The following SUPT5H variants were observed in gnomAD, a reference collection of about 807,000 sequenced individuals.
The protein encoded by SUPT5H is transcription elongation factor SPT5.
SUPT5H carries 24 observed loss-of-function variants against 142.5 expected under a neutral mutation model. The observed-to-expected ratio is 0.17, with a 90% CI of 0.12 to 0.24. SUPT5H has a LOEUF of 0.24. Ranked by LOEUF, SUPT5H falls within the 10% of genes least tolerant of loss-of-function variation. SUPT5H has a pLI of 1.00. For synonymous variants in SUPT5H, 546 were observed against 553.0 expected (o/e 0.99, Z 0.18); for missense variants, 893 against 1,471.8 (o/e 0.61, Z 6.43).
At chr19:39,456,819 A>G (rs930600570) in intron 3 of SUPT5H, among the ~76,000 whole-genome samples, 2 of 152,158 alleles carry the variant, frequency 1.3e-5, no homozygotes, top group Admixed American at 6.6e-5. Flanking sequence ...TCGGCCTCCC[A>G]AAGTGTTGAG....
chr19:39,459,876 G>T lies in SUPT5H; in HGVS notation c.556-16G>T. 6.2e-7 allele frequency: 1 copy of T among 1,613,706 alleles called. No individual in the cohort carries two copies. On this transcript the variant is annotated splice_polypyrimidine_tract_variant and intron_variant, in intron 9 of 29. Coordinates refer to ENST00000432763, the MANE Select transcript of SUPT5H (RefSeq NM_001111020.3). ...CCATCCTGTCATCTCTCTCAAATCTGCCTCTCATCTTCCAGATTGGGGAGG... is the reference window on the plus strand; with the variant it reads ...CCATCCTGTCATCTCTCTCAAATCTTCCTCTCATCTTCCAGATTGGGGAGG...
At chr19:39,446,056 C>A in intron 2 of SUPT5H, 91 bp downstream of exon 2, 1 of 1,346,554 alleles carries the variant, frequency 7.4e-7, no homozygotes, top group Non-Finnish European at 1.0e-6. Context: ...GGGTTCACAG[C>A]GGGCTCTGGC....
Position 39,474,339 on chromosome 19 carries a change from A to C in SUPT5H, c.2757A>C (p.Ala919=), listed in dbSNP as rs1400420317. 1 of 1,614,050 alleles carries C rather than the reference A, an allele frequency of 6.2e-7. No homozygotes were observed. The highest frequency in any genetic ancestry group is 8.5e-7 in the Non-Finnish European group (1 of 1,179,998). ...ACCACCAGGTGGCGCCAAGCCCAGC[A>C]GGCTACCAGAATACCCACTCCCCAG... The part of the protein sequence containing the change: ...QSYHQVAPSP[A]GYQNTHSPAS... The change falls in exon 27 of 30, where the codon GCA becomes GCC. Residue 919 remains alanine (A), a synonymous_variant. Transcript: ENST00000432763. This position sits in a 1 kb window ranked among gnomAD's most constrained non-coding sequence, Gnocchi z 6.5.
intron 2 of SUPT5H, among the ~76,000 whole-genome samples, chr19:39,451,536 GT>G (rs2079022476): frequency 6.6e-6 from 1 of 151,138 alleles, no homozygotes; most frequent in African/African-American, 2.4e-5. Context: ...TCAGTTTTTT[GT>G]TTGTTTGTTT....
At position 39,470,308 on chromosome 19, in the gene SUPT5H, G is replaced by C. The variant is rs373614580; in HGVS notation, c.1530+34G>C. The C allele has an allele frequency of 7.1e-6, 11 of 1,545,434 alleles. No homozygotes were observed. Among genetic ancestry groups the C allele is most frequent in the African/African-American group, 1.4e-5 (1 of 73,158 alleles). ...ATAGAAGGGTCGGGGAAGGGTGCAC[G>C]TGCCAAGAGGAGACCCAGGTAGGCG... On this transcript the variant is annotated intron_variant, in intron 17 of 29. Coordinates refer to ENST00000432763, the MANE Select transcript of SUPT5H (RefSeq NM_001111020.3). The surrounding 1 kb of genome is among the most constrained non-coding windows in gnomAD (Gnocchi z 5.8).
chr19:39,456,822 G>T (rs1388768518), intron 3 of SUPT5H, among the ~76,000 whole-genome samples: 1 of 152,192 alleles, frequency 6.6e-6, no homozygotes, highest in Non-Finnish European at 1.5e-5. Context: ...GCCTCCCAAA[G>T]TGTTGAGATT....
At chr19:39,447,188 T>C (rs569072528) in intron 2 of SUPT5H, among the ~76,000 whole-genome samples, 2 of 152,008 alleles carry the variant, frequency 1.3e-5, no homozygotes, top group African/African-American at 2.4e-5. Flanking sequence ...AAAAAGGGGG[T>C]CCACTTTGGT....
In SUPT5H at chr19:39,469,433, T is replaced by G. The variant is rs760644715; in HGVS notation, c.1374+35T>G. Reference sequence around the variant, plus strand: ...CGGTGTTCTCGGGCAGGGGTTGGAGTGTTCAGGCACATCTGACTGTATGTG... The same window carrying G: ...CGGTGTTCTCGGGCAGGGGTTGGAGGGTTCAGGCACATCTGACTGTATGTG... On this transcript the variant is annotated intron_variant, in intron 16 of 29. Transcript: ENST00000432763. This position sits in a 1 kb window ranked among gnomAD's most constrained non-coding sequence, Gnocchi z 5.1. 6.2e-7 allele frequency: 1 copy of G among 1,613,636 alleles called. No individual in the cohort carries two copies. The highest frequency in any genetic ancestry group is 1.1e-5 in the South Asian group (1 of 91,044).
intron 28 of SUPT5H, chr19:39,475,053 C>A: frequency 2.6e-6 from 1 of 378,822 alleles, no homozygotes; most frequent in African/African-American, 2.1e-5. Flanking sequence ...GGGCACATTC[C>A]AGGAGCTGAA....
Position 39,473,193 on chromosome 19 carries a change from G to A in SUPT5H, c.2259-10G>A, listed in dbSNP as rs778628941. 1.9e-6 allele frequency: 3 copies of A among 1,611,504 alleles called. No individual in the cohort carries two copies. The highest frequency in any genetic ancestry group is 2.5e-6 in the Non-Finnish European group (3 of 1,179,882). The stretch of plus-strand genomic sequence containing the variant: ...GGTCTGCTCACCCCATTTGTTCTCT[G>A]CGTCCCCAGGGGCTCACGGCGCCCG... On this transcript the variant is annotated splice_polypyrimidine_tract_variant and intron_variant, in intron 23 of 29. Coordinates refer to ENST00000432763, the MANE Select transcript of SUPT5H (RefSeq NM_001111020.3). The surrounding 1 kb of genome is among the most constrained non-coding windows in gnomAD (Gnocchi z 5.8).
intron 10 of SUPT5H, among the ~76,000 whole-genome samples, chr19:39,464,314 T>C (rs1015490178): frequency 6.6e-6 from 1 of 152,128 alleles, no homozygotes; most frequent in Non-Finnish European, 1.5e-5. Context: ...GAACATATGT[T>C]GGATAGCTTT....
intron 10 of SUPT5H, among the ~76,000 whole-genome samples, chr19:39,462,780 C>G (rs543240974): frequency 2.0e-5 from 3 of 151,592 alleles, no homozygotes; most frequent in African/African-American, 7.3e-5. Context: ...ATCGGCCCAC[C>G]TCGGCCTCCC....
chr19:39,458,104 C>T lies in SUPT5H; in HGVS notation c.308-190C>T, dbSNP rs2079114372. ...CTGTGCGCCTCATACATTTCGGCTT[C>T]TCCCCAACCACCTGGTGCCTGGCCT... On this transcript the variant is annotated intron_variant, in intron 4 of 29. Transcript: ENST00000432763. This position sits in a 1 kb window ranked among gnomAD's most constrained non-coding sequence, Gnocchi z 4.2. 3.0e-6 allele frequency: 3 copies of T among 1,009,426 alleles called. No homozygotes were observed. Among genetic ancestry groups the T allele is most frequent in the Middle Eastern group, 3.3e-4 (1 of 3,052 alleles). 62.5% of individuals were successfully genotyped at this position (1,009,426 alleles called of 1,614,324 possible).
chr19:39,450,340 A>G (rs971318128), intron 2 of SUPT5H, among the ~76,000 whole-genome samples: 8 of 151,998 alleles, frequency 5.3e-5, no homozygotes, highest in African/African-American at 1.9e-4. Flanking sequence ...TAGTGGCACA[A>G]TCGCGGCTCA....
chr19:39,473,916 A>G lies in SUPT5H; in HGVS notation c.2493-47A>G, dbSNP rs367874968. 2 of 1,613,060 alleles carry G rather than the reference A, an allele frequency of 1.2e-6. No individual in the cohort carries two copies. The highest frequency in any genetic ancestry group is 1.3e-5 in the African/African-American group (1 of 74,996). On this transcript the variant is annotated intron_variant, in intron 25 of 29. Coordinates refer to ENST00000432763, the MANE Select transcript of SUPT5H (RefSeq NM_001111020.3). The surrounding 1 kb of genome is among the most constrained non-coding windows in gnomAD (Gnocchi z 5.8). ...GTAGGGTGCTGTTCTGGAAGCATCC[A>G]TCGCATTATCACCACAGTCGCTGTC...
In SUPT5H at chr19:39,459,265, T is replaced by C. The variant is rs1600706758; in HGVS notation, c.524+16T>C. 6.7e-7 allele frequency: 1 copy of C among 1,493,430 alleles called. No homozygotes were observed. 92.5% of individuals were successfully genotyped at this position (1,493,430 alleles called of 1,614,324 possible). On this transcript the variant is annotated intron_variant, in intron 8 of 29. Transcript: ENST00000432763. ...CAGGAGTCAAGTAAGGGGGTTGGGA[T>C]GGTGGGGGCCGTGCTGGGGTGCGAA...
rs200821774 is a variant in SUPT5H, at chr19:39,470,540, C to G, written c.1677+17C>G. 1.0e-4 allele frequency: 155 copies of G among 1,512,708 alleles called. No individual in the cohort carries two copies. In the African/African-American group the frequency reaches 1.7e-3, roughly 17 times the overall value. The allele number at this position is 1,512,708 out of a possible 1,614,324, so 93.7% of individuals were successfully genotyped here. A position where few individuals can be genotyped will look rare whatever the true frequency, so the allele number is the denominator to read the frequency against. ...ACCTTCCAGGTGTGTGTGTTGTGCT[C>G]TGTGGCGGGGACTTGCTTTTAGGAG... On this transcript the variant is annotated intron_variant, in intron 18 of 29. Transcript: ENST00000432763. The surrounding 1 kb of genome is among the most constrained non-coding windows in gnomAD (Gnocchi z 5.8).
intron 11 of SUPT5H, among the ~76,000 whole-genome samples, chr19:39,465,259 C>T (rs1013735541): frequency 6.6e-5 from 10 of 152,164 alleles, no homozygotes; most frequent in African/African-American, 2.4e-4. Flanking sequence ...TCTGAAGGAT[C>T]GGAGGGCGTG....
chr19:39,472,270 G>C lies in SUPT5H; in HGVS notation c.1951-139G>C. On this transcript the variant is annotated intron_variant, in intron 20 of 29. Transcript: ENST00000432763. This position sits in a 1 kb window ranked among gnomAD's most constrained non-coding sequence, Gnocchi z 4.2. The stretch of plus-strand genomic sequence containing the variant: ...GCTTGTAGGAAAGTGTGCAGGACCA[G>C]CTGTCACAGAGGAATTCAGGCCTGG... 2 of 767,512 alleles carry C rather than the reference G, an allele frequency of 2.6e-6. No individual in the cohort carries two copies. The highest frequency in any genetic ancestry group is 2.4e-4 in the Middle Eastern group (1 of 4,216). The allele number at this position is 767,512 out of a possible 1,614,324, so 47.5% of individuals were successfully genotyped here.
Sources: gnomAD v4.1 joint callset for allele counts (sites outside exome capture counted in the v4.1 genomes callset) on GRCh38, gnomAD v4.1.1 for gene constraint, Gnocchi (gnomAD v3.1) non-coding constraint, MANE v1.5 for transcripts, NCBI Gene and HGNC (gene_info 2026-07-23, HGNC 2026-07-21) for gene names.